The following CFTR variants were observed in gnomAD, a reference collection of about 807,000 sequenced individuals.
CFTR encodes cystic fibrosis transmembrane conductance regulator.
CFTR carries 181 observed loss-of-function variants against 171.6 expected under a neutral mutation model. The ratio of observed to expected loss-of-function variants is 1.05; its 90% CI spans 0.93 to 1.19. The LOEUF (loss-of-function observed/expected upper bound fraction) is 1.19, where lower values mean the gene tolerates loss of function less well. Among genes scored for constraint, CFTR ranks in the 50% most tolerant of loss-of-function variants. The pLI is 0.00. For missense variants in CFTR, 1,968 were observed against 1,734.7 expected, an observed-to-expected ratio of 1.13 and a Z score of -2.39; for synonymous variants, 583 against 608.0, an observed-to-expected ratio of 0.96 and a Z score of 0.60.
At chr7:117,536,796 A>C in intron 7 of CFTR, 123 bp downstream of exon 7, 2 of 837,750 alleles carry the variant, frequency 2.4e-6, no homozygotes, top group South Asian at 3.1e-5. Flanking sequence ...GATTGCATTT[A>C]AGTTCTGTCA....
rs1193574256 is a variant in CFTR at position 117,667,977 on chromosome 7, C to T, written c.*869C>T. 1 of 152,288 alleles carries T rather than the reference C, an allele frequency of 6.6e-6. No homozygotes were observed. The highest frequency in any genetic ancestry group is 1.5e-5 in the Non-Finnish European group (1 of 68,136). The allele number at this position is 152,288 out of a possible 1,614,324, so 9.4% of individuals were successfully genotyped here. ...TATGTTAGTGCAAATTGTCACAGGACAGCCCTTCTTTCCACAGAAGCTCCA... is the reference window on the plus strand; with the variant it reads ...TATGTTAGTGCAAATTGTCACAGGATAGCCCTTCTTTCCACAGAAGCTCCA... On this transcript the variant is annotated 3_prime_UTR_variant, in exon 27 of 27. Transcript: ENST00000003084.
intron 3 of CFTR, among the ~76,000 whole-genome samples, chr7:117,525,014 A>G (rs1798752171): frequency 1.3e-5 from 2 of 152,224 alleles, no homozygotes; most frequent in Non-Finnish European, 2.9e-5. Context: ...AAAATAATAT[A>G]CACTATGCAG....
At chr7:117,665,352 GA>G in intron 25 of CFTR, 106 bp from the exon 26 acceptor site, 1 of 736,878 alleles carries the variant, frequency 1.4e-6, no homozygotes, top group South Asian at 1.8e-5. Context: ...AGAACTTAAA[GA>G]AATAAGTAAT....
At chr7:117,566,244 C>T (rs1400719530) in intron 11 of CFTR, among the ~76,000 whole-genome samples, 1 of 134,704 alleles carries the variant, frequency 7.4e-6, no homozygotes. Context: ...GACCAGCCTA[C>T]TAAAACACAC....
chr7:117,549,756 A>G (rs1233487978), intron 10 of CFTR, among the ~76,000 whole-genome samples: 2 of 152,140 alleles, frequency 1.3e-5, no homozygotes, highest in Non-Finnish European at 2.9e-5. Context: ...AATACTTTCT[A>G]GAATTATACC....
chr7:117,632,572 AAAAG>A (rs1792764510), intron 22 of CFTR, among the ~76,000 whole-genome samples: 1 of 151,390 alleles, frequency 6.6e-6, no homozygotes, highest in African/African-American at 2.4e-5. Context: ...AAAAAAAAGA[AAAAG>A]AAAAAGAAAA....
chr7:117,575,043 C>A (rs890448071), intron 11 of CFTR, among the ~76,000 whole-genome samples: 9 of 152,038 alleles, frequency 5.9e-5, no homozygotes, highest in Non-Finnish European at 1.3e-4. Context: ...CTCAATACTG[C>A]AATGAAAATC....
chr7:117,482,088 A>G (rs117471465), intron 1 of CFTR, among the ~76,000 whole-genome samples: 1 of 152,314 alleles, frequency 6.6e-6, no homozygotes, highest in East Asian at 1.9e-4. Flanking sequence ...AAGATGCTCA[A>G]TTCATCTTTG....
chr7:117,599,357 C>G (rs1792187665), intron 15 of CFTR, among the ~76,000 whole-genome samples: 1 of 152,066 alleles, frequency 6.6e-6, no homozygotes. Context: ...AACTTATGCA[C>G]CTTTAAAATG....
At chr7:117,552,667 G>A (rs1226729197) in intron 10 of CFTR, among the ~76,000 whole-genome samples, 1 of 151,922 alleles carries the variant, frequency 6.6e-6, no homozygotes, top group South Asian at 2.1e-4. Flanking sequence ...GCCAATCCAG[G>A]TAACTTTTTT....
chr7:117,627,863 C>A, intron 22 of CFTR, 93 bp downstream of exon 22: 1 of 1,272,116 alleles, frequency 7.9e-7, no homozygotes, highest in Non-Finnish European at 1.1e-6. Context: ...CTATTTGTAA[C>A]ATTATTATTG....
At chr7:117,559,689 A>C (rs765392608) in intron 11 of CFTR, 34 bp downstream of exon 11, 6 of 1,452,290 alleles carry the variant, frequency 4.1e-6, no homozygotes, top group Admixed American at 3.4e-5. Flanking sequence ...TTGATTATGC[A>C]TATGAACCCT....
chr7:117,538,261 A>G (rs1798990773), intron 7 of CFTR, among the ~76,000 whole-genome samples: 1 of 152,188 alleles, frequency 6.6e-6, no homozygotes, highest in Non-Finnish European at 1.5e-5. Context: ...AGCCTGGGCC[A>G]CTGTTGTACT....
At position 117,603,780 on chromosome 7, in the gene CFTR, C is replaced by T. The variant is rs936934088; in HGVS notation, c.2906C>T (p.Ala969Val). Residue 969 changes from alanine to valine, a missense_variant and splice_region_variant, in exon 17 of 27, where the codon GCA becomes GTA. Transcript: ENST00000003084. ...ATGTCAACCCTCAACACGTTGAAAG[C>T]AGGTACTTTACTAGGTCTAAGAAAT... Reference protein sequence around the residue: ...APMSTLNTLKAGGILNRFSKD... With the variant: ...APMSTLNTLKVGGILNRFSKD... The T allele has an allele frequency of 6.2e-7, 1 of 1,613,686 alleles. No homozygotes were observed. Among genetic ancestry groups the T allele is most frequent in the African/African-American group, 1.3e-5 (1 of 75,022 alleles).
chr7:117,554,400 G>T (rs1267347247), intron 10 of CFTR, among the ~76,000 whole-genome samples: 2 of 152,166 alleles, frequency 1.3e-5, no homozygotes, highest in Non-Finnish European at 2.9e-5. Flanking sequence ...TGAGTAACTG[G>T]AAGGATAAAT....
At chr7:117,504,724 A>G (rs1425048674) in intron 2 of CFTR, among the ~76,000 whole-genome samples, 1 of 150,216 alleles carries the variant, frequency 6.7e-6, no homozygotes, top group Non-Finnish European at 1.5e-5. Flanking sequence ...ACTGCACTCC[A>G]GCTTGGGTGA....
In CFTR at chr7:117,588,024, AT is replaced by A. The variant is rs1306700923; in HGVS notation, c.1679+193del. On this transcript the variant is annotated intron_variant, in intron 12 of 26. Coordinates refer to ENST00000003084, the MANE Select transcript of CFTR (RefSeq NM_000492.4). The stretch of plus-strand genomic sequence containing the variant: ...GGTATAGTATCCAGATTTGGTAGAG[AT>A]TATGGTTACTCAGAATCTGTGCCCG... Among the ~76,000 whole-genome samples the A allele has an allele frequency of 3.3e-5, 5 of 152,058 alleles. No individual in the cohort carries two copies. The South Asian group carries it at 8.3e-4, about 25-fold the overall frequency.
intron 24 of CFTR, among the ~76,000 whole-genome samples, chr7:117,663,201 A>G (rs962852085): frequency 6.6e-6 from 1 of 152,176 alleles, no homozygotes; most frequent in African/African-American, 2.4e-5. Context: ...AGCTTCATAG[A>G]CTGAAACAAT....
At chr7:117,559,347 A>G in intron 10 of CFTR, 117 bp from the exon 11 acceptor site, 1 of 755,522 alleles carries the variant, frequency 1.3e-6, no homozygotes, top group South Asian at 1.5e-5. Flanking sequence ...GAATCAAATG[A>G]GTTAATAGAA....
Sources: gnomAD v4.1 joint callset for allele counts (sites outside exome capture counted in the v4.1 genomes callset) on GRCh38, gnomAD v4.1.1 for gene constraint, MANE v1.5 for transcripts, NCBI Gene and HGNC (gene_info 2026-07-23, HGNC 2026-07-21) for gene names.